Variants in ATAD2B observed in about 807,000 individuals in gnomAD.
ATAD2B encodes the protein ATPase family AAA domain-containing protein 2B.
In ATAD2B, 40 loss-of-function variants were observed where a neutral mutation model predicts 167.6. That is an observed-to-expected ratio of 0.24 (90% confidence interval 0.19 to 0.31). The LOEUF is 0.31. Among genes scored for constraint, ATAD2B ranks in the 10% least tolerant of loss-of-function variants. The pLI, the probability that ATAD2B is intolerant of heterozygous loss-of-function variation, is 1.00. For synonymous variants in ATAD2B, 579 were observed against 596.5 expected (o/e 0.97, Z 0.43); for missense variants, 1,242 against 1,757.2 (o/e 0.71, Z 5.24).
At chr2:23,872,960 C>T in intron 8 of ATAD2B, 3 of 748,946 alleles carry the variant, frequency 4.0e-6, no homozygotes, top group Non-Finnish European at 7.5e-6. Flanking sequence ...AAGCAGTTCT[C>T]CAGGTTCCAG....
At chr2:23,907,311 T>C (rs1424631393) in intron 1 of ATAD2B, among the ~76,000 whole-genome samples, 3 of 152,006 alleles carry the variant, frequency 2.0e-5, no homozygotes, top group African/African-American at 7.3e-5. Context: ...ACAAGCATTC[T>C]TATACACCAA....
At chr2:23,696,629 A>G in the ATAD2B span, 5 of 795,262 alleles carry the variant, frequency 6.3e-6, no homozygotes, top group Admixed American at 6.2e-5. This position sits in a 1 kb window ranked among gnomAD's most constrained non-coding sequence, Gnocchi z 5.5. Flanking sequence ...AGCCTGGACC[A>G]TTCATATGGG....
chr2:23,881,725 G>T (rs1450205340), intron 6 of ATAD2B, among the ~76,000 whole-genome samples: 1 of 151,518 alleles, frequency 6.6e-6, no homozygotes, highest in Non-Finnish European at 1.5e-5. Context: ...ATCCTAAAAG[G>T]TTTTTCTTTT....
At chr2:23,737,915 T>G in the ATAD2B span, among the ~76,000 whole-genome samples, 27 of 152,256 alleles carry the variant, frequency 1.8e-4, no homozygotes, top group African/African-American at 6.0e-4. Flanking sequence ...GAAGCCTCAG[T>G]AGCCGATGCG....
intron 1 of ATAD2B, among the ~76,000 whole-genome samples, chr2:23,910,228 G>A (rs955224743): frequency 6.8e-6 from 1 of 146,382 alleles, no homozygotes; most frequent in Non-Finnish European, 1.5e-5. Context: ...GCCCAGGCTG[G>A]AGTGCAATGG....
intron 23 of ATAD2B, 76 bp from the exon 24 acceptor site, chr2:23,762,422 A>C: frequency 9.6e-6 from 14 of 1,455,190 alleles, no homozygotes; most frequent in African/African-American, 1.4e-5. Flanking sequence ...AAAAAATCTC[A>C]AATACAAAAC....
At chr2:23,738,643 A>G in the ATAD2B span, among the ~76,000 whole-genome samples, 1 of 152,246 alleles carries the variant, frequency 6.6e-6, no homozygotes, top group Non-Finnish European at 1.5e-5. Flanking sequence ...TGCATCAACT[A>G]ACGGGCAAAA....
the ATAD2B span, among the ~76,000 whole-genome samples, chr2:23,731,635 G>GA: frequency 6.6e-6 from 1 of 152,306 alleles, no homozygotes; most frequent in African/African-American, 2.4e-5. Flanking sequence ...TAACAAGGTG[G>GA]AAATTATTTT....
the ATAD2B span, among the ~76,000 whole-genome samples, chr2:23,729,301 A>T: frequency 6.6e-6 from 1 of 152,230 alleles, no homozygotes; most frequent in Non-Finnish European, 1.5e-5. Context: ...AGTCATTCAT[A>T]TTAAGTGCAA....
intron 1 of ATAD2B, among the ~76,000 whole-genome samples, chr2:23,918,753 C>T (rs753408853): frequency 6.6e-6 from 1 of 152,172 alleles, no homozygotes; most frequent in Non-Finnish European, 1.5e-5. Flanking sequence ...GATTGAACAA[C>T]ATCAAAGAGT....
intron 18 of ATAD2B, among the ~76,000 whole-genome samples, chr2:23,806,427 ATTACT>A (rs991123711): frequency 2.6e-5 from 4 of 152,174 alleles, no homozygotes; most frequent in Admixed American, 2.6e-4. Flanking sequence ...CTTCTGTTCT[ATTACT>A]TTGTCTACTC....
intron 13 of ATAD2B, among the ~76,000 whole-genome samples, chr2:23,842,865 T>C (rs947693507): frequency 6.6e-6 from 1 of 151,890 alleles, no homozygotes; most frequent in African/African-American, 2.4e-5. Flanking sequence ...ACTCAGAAAA[T>C]TGTCTCCTAA....
Position 23,819,803 on chromosome 2 carries a change from T to A in ATAD2B, c.2211A>T (p.Ser737=), listed in dbSNP as rs2149622868. 1 of 1,607,814 alleles carries A rather than the reference T, an allele frequency of 6.2e-7. No individual in the cohort carries two copies. The highest frequency in any genetic ancestry group is 1.1e-5 in the South Asian group (1 of 90,898). Reference sequence around the variant, plus strand: ...CAGCAGATGATGACTGTTTCTTTGGTGATCCTGAGTGACAATTGGTCTCAA... The same window carrying A: ...CAGCAGATGATGACTGTTTCTTTGGAGATCCTGAGTGACAATTGGTCTCAA... The part of the protein sequence containing the change: ...SIFETNCHSG[S]PKKQSSSAAI... Residue 737 remains serine, a synonymous_variant, in exon 17 of 28, where the codon TCA becomes TCT. Coordinates refer to ENST00000238789, the MANE Select transcript of ATAD2B (RefSeq NM_017552.4).
rs137945390 is a variant in ATAD2B at position 23,763,352 on chromosome 2, T to C, written c.3257-1006A>G. Reference sequence around the variant, plus strand: ...ACAGGTTTTTGTTCCCCAACAGCTTTACTGAGATACAATTTATATAACATA... The same window carrying C: ...ACAGGTTTTTGTTCCCCAACAGCTTCACTGAGATACAATTTATATAACATA... On this transcript the variant is annotated intron_variant, in intron 23 of 27. Transcript: ENST00000238789. 6.5e-3 allele frequency among the ~76,000 whole-genome samples: 983 copies of C among 152,362 alleles called. 5 individuals carry two copies. The highest frequency in any genetic ancestry group is 0.012 in the Admixed American group (190 of 15,306).
the ATAD2B span, among the ~76,000 whole-genome samples, chr2:23,693,859 A>C: frequency 7.0e-4 from 106 of 152,238 alleles, no homozygotes; most frequent in African/African-American, 2.4e-3. Flanking sequence ...TGTTGAGGGG[A>C]TGGACAGCCC....
At chr2:23,809,506 AAAC>A (rs1685213320) in intron 18 of ATAD2B, among the ~76,000 whole-genome samples, 1 of 152,196 alleles carries the variant, frequency 6.6e-6, no homozygotes, top group African/African-American at 2.4e-5. Flanking sequence ...ACTGGGAAAA[AAAC>A]AACAAAATTG....
the ATAD2B span, among the ~76,000 whole-genome samples, chr2:23,719,063 G>A: frequency 1.5e-3 from 231 of 152,286 alleles, no homozygotes; most frequent in African/African-American, 5.3e-3. Flanking sequence ...GGACATCTTT[G>A]GGGAGTCATT....
At chr2:23,798,033 C>A in intron 19 of ATAD2B, 105 bp downstream of exon 19, 1 of 741,952 alleles carries the variant, frequency 1.3e-6, no homozygotes, top group Non-Finnish European at 2.0e-6. Flanking sequence ...AGGATATAAA[C>A]CCTGGCAGTA....
chr2:23,752,771 T>A (rs1423613357), intron 27 of ATAD2B, among the ~76,000 whole-genome samples: 1 of 152,100 alleles, frequency 6.6e-6, no homozygotes, highest in Non-Finnish European at 1.5e-5. Context: ...TGCATTGTGT[T>A]CCCACTTCTA....
Sources: allele counts gnomAD v4.1 joint callset (sites outside exome capture counted in the v4.1 genomes callset), GRCh38; gene constraint gnomAD v4.1.1; non-coding constraint Gnocchi (gnomAD v3.1); transcripts MANE v1.5; gene names NCBI Gene and HGNC (gene_info 2026-07-23, HGNC 2026-07-21).